Variants in OSBPL8 observed in about 807,000 individuals in gnomAD.
OSBPL8 encodes the protein oxysterol binding protein like 8.
Under a neutral mutation model 125.5 loss-of-function variants are expected in OSBPL8, and 59 were observed. The ratio of observed to expected loss-of-function variants is 0.47; its 90% confidence interval spans 0.38 to 0.58. The LOEUF (loss-of-function observed/expected upper bound fraction) is 0.58. Among genes scored for constraint, OSBPL8 ranks in the 20% least tolerant of loss-of-function variants. OSBPL8 has a pLI of 0.00. For synonymous variants in OSBPL8, 330 were observed against 338.9 expected (o/e 0.97, Z 0.29); for missense variants, 758 against 1,047.8 (o/e 0.72, Z 3.82).
At chr12:76,467,047 G>A (rs56780920) in intron 2 of OSBPL8, among the ~76,000 whole-genome samples, 54 of 152,104 alleles carry the variant, frequency 3.6e-4, no homozygotes, top group Middle Eastern at 3.4e-3. Flanking sequence ...CTCTGGCATT[G>A]GCCTGGTAGT....
intron 1 of OSBPL8, among the ~76,000 whole-genome samples, chr12:76,491,859 T>C (rs1878750349): frequency 6.6e-6 from 1 of 152,162 alleles, no homozygotes; most frequent in African/African-American, 2.4e-5. Context: ...ATTTGCAATA[T>C]TAACAACAAA....
chr12:76,445,337 T>C (rs1872619714), intron 4 of OSBPL8, among the ~76,000 whole-genome samples: 1 of 152,106 alleles, frequency 6.6e-6, no homozygotes, highest in South Asian at 2.1e-4. Flanking sequence ...AAACTTTCTT[T>C]AATAGGAAAA....
intron 4 of OSBPL8, among the ~76,000 whole-genome samples, chr12:76,435,155 C>CGTGTGTGT (rs71082308): frequency 2.7e-3 from 402 of 146,548 alleles, no homozygotes; most frequent in African/African-American, 9.0e-3. Context: ...TATATATCTA[C>CGTGTGTGT]GTGTGTGTGT....
chr12:76,497,318 A>T (rs1409809858), intron 1 of OSBPL8, among the ~76,000 whole-genome samples: 3 of 152,196 alleles, frequency 2.0e-5, no homozygotes, highest in African/African-American at 7.2e-5. Context: ...CCATAGAAAA[A>T]TGAATAAACA....
chr12:76,506,231 TG>T (rs1446650920), intron 1 of OSBPL8, among the ~76,000 whole-genome samples: 1 of 152,076 alleles, frequency 6.6e-6, no homozygotes, highest in Admixed American at 6.5e-5. Flanking sequence ...TGGGAAGACT[TG>T]GGGAAGAAAG....
chr12:76,450,765 G>T, intron 4 of OSBPL8, 86 bp downstream of exon 4: 1 of 1,327,618 alleles, frequency 7.5e-7, no homozygotes, highest in South Asian at 1.5e-5. Context: ...AAAAAAATAT[G>T]ATAGTCCCCA....
At chr12:76,483,036 C>T (rs985980790) in intron 2 of OSBPL8, among the ~76,000 whole-genome samples, 2 of 152,052 alleles carry the variant, frequency 1.3e-5, no homozygotes, top group Non-Finnish European at 1.5e-5. Context: ...CCGAGGCAGG[C>T]GGATCATGAG....
intron 18 of OSBPL8, 32 bp downstream of exon 18, chr12:76,373,312 C>A (rs1035326162): frequency 3.0e-6 from 4 of 1,328,006 alleles, no homozygotes; most frequent in Non-Finnish European, 3.1e-6. Flanking sequence ...GAATAAAATT[C>A]TTTTTGTAAA....
At chr12:76,435,496 T>C (rs1245813154) in intron 4 of OSBPL8, among the ~76,000 whole-genome samples, 1 of 152,124 alleles carries the variant, frequency 6.6e-6, no homozygotes, top group Non-Finnish European at 1.5e-5. Context: ...GTTAATACTG[T>C]ATTAAATACT....
At chr12:76,518,357 C>T (rs890513852) in intron 1 of OSBPL8, among the ~76,000 whole-genome samples, 1 of 152,184 alleles carries the variant, frequency 6.6e-6, no homozygotes, top group African/African-American at 2.4e-5. Flanking sequence ...CCTTGGGCAG[C>T]TCTACCACTG....
intron 21 of OSBPL8, among the ~76,000 whole-genome samples, chr12:76,364,267 T>C (rs1456455152): frequency 6.6e-6 from 1 of 152,200 alleles, no homozygotes; most frequent in Non-Finnish European, 1.5e-5. Flanking sequence ...CCATCAGTGA[T>C]AGATTGGATA....
intron 16 of OSBPL8, among the ~76,000 whole-genome samples, chr12:76,377,822 G>T (rs1172807870): frequency 1.3e-5 from 2 of 152,026 alleles, no homozygotes; most frequent in East Asian, 3.8e-4. Context: ...ATGATCTCAG[G>T]CATATTAACC....
chr12:76,513,838 T>C (rs1881260827), intron 1 of OSBPL8, among the ~76,000 whole-genome samples: 1 of 149,504 alleles, frequency 6.7e-6, no homozygotes, highest in Non-Finnish European at 1.5e-5. Flanking sequence ...ACATGTGAGG[T>C]GAGTCTTTTG....
At chr12:76,446,117 T>C (rs1316417658) in intron 4 of OSBPL8, among the ~76,000 whole-genome samples, 2 of 152,156 alleles carry the variant, frequency 1.3e-5, no homozygotes, top group Non-Finnish European at 2.9e-5. Context: ...TTCCATGAGC[T>C]AAGGCATATA....
At chr12:76,555,528 G>A (rs1240477152) in intron 1 of OSBPL8, among the ~76,000 whole-genome samples, 1 of 152,180 alleles carries the variant, frequency 6.6e-6, no homozygotes. Context: ...AAGATCTGCA[G>A]ACAAACGTTT....
At chr12:76,422,449 G>A (rs954706095) in intron 4 of OSBPL8, 2 of 437,614 alleles carry the variant, frequency 4.6e-6, no homozygotes, top group African/African-American at 4.1e-5. Flanking sequence ...ATGTTAAAAT[G>A]CCTGGTTTAT....
At chr12:76,451,676 A>G (rs1873430896) in intron 3 of OSBPL8, among the ~76,000 whole-genome samples, 1 of 152,176 alleles carries the variant, frequency 6.6e-6, no homozygotes, top group African/African-American at 2.4e-5. Flanking sequence ...TGGCCATCCT[A>G]CTATCTATCG....
rs373116748 is a variant in OSBPL8 at position 76,540,568 on chromosome 12, C to T, written c.-68+18829G>A. Among the ~76,000 whole-genome samples the T allele has an allele frequency of 1.3e-4, 19 of 148,676 alleles. 1 individual carries two copies. The East Asian group carries it at 3.2e-3, about 25-fold the overall frequency. ...TAGAAGAATAACACCAAACTGCTAA[C>T]AAGGTGGGCTATTTCAGACATAAAG... On this transcript the variant is annotated intron_variant, in intron 1 of 23. Coordinates refer to ENST00000261183, the MANE Select transcript of OSBPL8 (RefSeq NM_020841.5).
rs1952912356 is a variant in OSBPL8, at chr12:76,378,452, C to T, written c.1729G>A (p.Gly577Arg). The change falls in exon 16 of 24, where the codon GGA becomes AGA. Residue 577 changes from glycine to arginine, a missense_variant and splice_region_variant. Physicochemically the swap from Gly to Arg is moderately radical, Grantham distance 125 (BLOSUM62 -2). Transcript: ENST00000261183. ...TAATTCAAGTATAGAAAATATTTAC[C>T]TTTACAATGAGCGTATGGCATTGTC... is the stretch of plus-strand genomic sequence containing the variant. ...VMTMPYAHCK[G>R]ILYGTMTLEL... 1.3e-6 allele frequency: 2 copies of T among 1,550,606 alleles called. No individual in the cohort carries two copies. Among genetic ancestry groups the T allele is most frequent in the African/African-American group, 1.4e-5 (1 of 72,784 alleles).
Sources: gnomAD v4.1 joint callset for allele counts (sites outside exome capture counted in the v4.1 genomes callset) on GRCh38, gnomAD v4.1.1 for gene constraint, MANE v1.5 for transcripts, NCBI Gene and HGNC (gene_info 2026-07-23, HGNC 2026-07-21) for gene names.